Variants in KLHL29 observed in about 807,000 individuals in gnomAD.
KLHL29 encodes kelch like family member 29.
A neutral mutation model predicts 80.4 loss-of-function variants in KLHL29; 21 were observed. The observed-to-expected ratio is 0.26, with a 90% CI of 0.19 to 0.38. The LOEUF (loss-of-function observed/expected upper bound fraction) is 0.38, where lower values mean the gene tolerates loss of function less well. KLHL29 is among the 10% of genes least tolerant of loss of function. The probability of loss-of-function intolerance (pLI) is 1.00; values close to 1 mark genes in which losing one functional copy is unlikely to be tolerated. For missense variants in KLHL29, 867 were observed against 1,223.9 expected, an observed-to-expected ratio of 0.71 and a Z score of 4.35; for synonymous variants, 511 against 526.8, an observed-to-expected ratio of 0.97 and a Z score of 0.41.
intron 3 of KLHL29, among the ~76,000 whole-genome samples, chr2:23,620,603 G>GGAGA (rs1491419953): frequency 6.6e-6 from 1 of 152,140 alleles, no homozygotes; most frequent in African/African-American, 2.4e-5. Context: ...GGATGGGGAG[G>GGAGA]GAGAGAGCAG....
chr2:23,414,549 G>T (rs1666941877), intron 1 of KLHL29, among the ~76,000 whole-genome samples: 1 of 152,202 alleles, frequency 6.6e-6, no homozygotes, highest in African/African-American at 2.4e-5. Flanking sequence ...AAGTACAGAG[G>T]TCACACAGGG....
intron 1 of KLHL29, among the ~76,000 whole-genome samples, chr2:23,461,381 G>T (rs1261023902): frequency 6.6e-6 from 1 of 152,194 alleles, no homozygotes; most frequent in Admixed American, 6.5e-5. Flanking sequence ...GCAGCCACAG[G>T]ATCTCAATTC....
At chr2:23,636,940 G>A (rs1024860674) in intron 3 of KLHL29, among the ~76,000 whole-genome samples, 11 of 152,120 alleles carry the variant, frequency 7.2e-5, no homozygotes, top group Non-Finnish European at 1.2e-4. Flanking sequence ...CTACCCTGTC[G>A]AGTTGCCAGG....
chr2:23,451,230 A>G (rs1199263753), intron 1 of KLHL29, among the ~76,000 whole-genome samples: 1 of 152,276 alleles, frequency 6.6e-6, no homozygotes, highest in African/African-American at 2.4e-5. Context: ...TAATACAGAG[A>G]GAATTCCAGT....
intron 6 of KLHL29, chr2:23,690,400 C>T (rs2149202092): frequency 6.6e-6 from 1 of 152,366 alleles, no homozygotes; most frequent in East Asian, 1.9e-4. Flanking sequence ...GCCCCCTGCT[C>T]TTTCCGCCCA....
intron 3 of KLHL29, among the ~76,000 whole-genome samples, chr2:23,605,499 C>T (rs1014253281): frequency 6.6e-6 from 1 of 152,116 alleles, no homozygotes; most frequent in South Asian, 2.1e-4. Flanking sequence ...CAGCCCCCGG[C>T]GCCCCAGGAA....
At chr2:23,424,690 G>A (rs555608732) in intron 1 of KLHL29, among the ~76,000 whole-genome samples, 3 of 152,092 alleles carry the variant, frequency 2.0e-5, no homozygotes, top group Non-Finnish European at 2.9e-5. Context: ...GGTGTGGGGG[G>A]CAGATAATAC....
intron 1 of KLHL29, among the ~76,000 whole-genome samples, chr2:23,438,746 C>T (rs1472241922): frequency 6.6e-6 from 1 of 151,926 alleles, no homozygotes; most frequent in Non-Finnish European, 1.5e-5. Context: ...CATCAATGTT[C>T]ATCAAGGATA....
intron 2 of KLHL29, among the ~76,000 whole-genome samples, chr2:23,526,286 CA>C (rs67272913): frequency 0.5 from 75,266 of 150,732 alleles, 19,255 homozygotes; most frequent in East Asian, 0.58. Flanking sequence ...GGAAGCGTCA[CA>C]GGGGAGGGGA....
In KLHL29 at chr2:23,388,989, C is replaced by CTTCTTCT. The variant is rs759353519; in HGVS notation, c.-154+3211_-154+3212insCTTCTTT. ...TTCCTTTTTTTCTTTCTTTCTTCTT[C>CTTCTTCT]TTTTTTTTTTTTTTTTTTTTAAAAT... On this transcript the variant is annotated intron_variant, in intron 1 of 13. Coordinates refer to ENST00000486442, the MANE Select transcript of KLHL29 (RefSeq NM_052920.2). 8.2e-3 allele frequency among the ~76,000 whole-genome samples: 876 copies of CTTCTTCT among 106,876 alleles called. 16 individuals are homozygous for CTTCTTCT. The highest frequency in any genetic ancestry group is 0.03 in the African/African-American group (790 of 26,674). The allele number at this position is 106,876 out of a possible 152,430, so 70.1% of individuals were successfully genotyped here. A position where few individuals can be genotyped will look rare whatever the true frequency, so the allele number is the denominator to read the frequency against.
intron 1 of KLHL29, among the ~76,000 whole-genome samples, chr2:23,414,786 C>T (rs1666946414): frequency 6.6e-6 from 1 of 152,262 alleles, no homozygotes; most frequent in African/African-American, 2.4e-5. Flanking sequence ...GAGGAAAATA[C>T]TGACACCATG....
intron 3 of KLHL29, among the ~76,000 whole-genome samples, chr2:23,621,613 C>G (rs1034413330): frequency 6.6e-6 from 1 of 152,174 alleles, no homozygotes; most frequent in South Asian, 2.1e-4. Context: ...ACCCCCCAGA[C>G]AGGAAATGCA....
intron 2 of KLHL29, among the ~76,000 whole-genome samples, chr2:23,555,834 G>A (rs1224337103): frequency 2.0e-5 from 3 of 152,372 alleles, no homozygotes; most frequent in Admixed American, 2.0e-4. Context: ...TCTGAGAGAT[G>A]ATCCGAATTG....
chr2:23,637,189 C>T (rs1309441090), intron 3 of KLHL29, among the ~76,000 whole-genome samples: 1 of 152,182 alleles, frequency 6.6e-6, no homozygotes, highest in Non-Finnish European at 1.5e-5. Context: ...GCTCCTTCTC[C>T]CTCAGATGCC....
intron 3 of KLHL29, among the ~76,000 whole-genome samples, chr2:23,629,500 G>T (rs1388133646): frequency 6.6e-6 from 1 of 152,156 alleles, no homozygotes; most frequent in East Asian, 1.9e-4. Context: ...GAGGAAAGTT[G>T]AAAGCTTTGA....
chr2:23,522,345 C>T lies in KLHL29; in HGVS notation c.-45-39807C>T, dbSNP rs554406561. ...TTGTATTTTTAGTAGAGATGGGGTT[C>T]CACCATGTTGGCCAGGCTGGTCTCG... On this transcript the variant is annotated intron_variant, in intron 2 of 13. Transcript: ENST00000486442. Among the ~76,000 whole-genome samples the T allele has an allele frequency of 1.4e-4, 22 of 151,898 alleles. No individual in the cohort carries two copies. The South Asian group carries it at 4.0e-3, about 27-fold the overall frequency.
In KLHL29 at chr2:23,708,095, A is replaced by G. The variant is rs937469977; in HGVS notation, c.*1431A>G. 1 of 152,214 alleles carries G rather than the reference A, an allele frequency of 6.6e-6. No homozygotes were observed. Among genetic ancestry groups the G allele is most frequent in the African/African-American group, 2.4e-5 (1 of 41,442 alleles). 9.4% of individuals were successfully genotyped at this position (152,214 alleles called of 1,614,324 possible). On this transcript the variant is annotated 3_prime_UTR_variant, in exon 14 of 14. Coordinates refer to ENST00000486442, the MANE Select transcript of KLHL29 (RefSeq NM_052920.2). ...TTGCCATCGTTTCATGATAACAACCATTTATAAGAGAAAAAGACAGGACAC... is the reference window on the plus strand; with the variant it reads ...TTGCCATCGTTTCATGATAACAACCGTTTATAAGAGAAAAAGACAGGACAC...
At chr2:23,597,599 A>T (rs1438867778) in intron 3 of KLHL29, among the ~76,000 whole-genome samples, 1 of 151,010 alleles carries the variant, frequency 6.6e-6, no homozygotes, top group Non-Finnish European at 1.5e-5. Context: ...TAACTTTTGT[A>T]TCTTTAGTAG....
At chr2:23,601,080 A>T (rs1668556303) in intron 3 of KLHL29, among the ~76,000 whole-genome samples, 1 of 152,198 alleles carries the variant, frequency 6.6e-6, no homozygotes, top group Non-Finnish European at 1.5e-5. Context: ...CAGATGTTCA[A>T]ATAGTTTGGA....
Sources: gnomAD v4.1 joint callset for allele counts (sites outside exome capture counted in the v4.1 genomes callset) on GRCh38, gnomAD v4.1.1 for gene constraint, MANE v1.5 for transcripts, NCBI Gene and HGNC (gene_info 2026-07-23, HGNC 2026-07-21) for gene names.